PITPNM2: variants seen among roughly 807,000 people sequenced by gnomAD.
The protein encoded by PITPNM2 is phosphatidylinositol transfer protein membrane associated 2.
In PITPNM2, 35 loss-of-function variants were observed where a neutral mutation model predicts 132.2. The observed-to-expected ratio is 0.26, with a 90% CI of 0.20 to 0.35. PITPNM2 has a LOEUF of 0.35. Among genes scored for constraint, PITPNM2 ranks in the 10% least tolerant of loss-of-function variants. PITPNM2 has a pLI of 1.00. For synonymous variants in PITPNM2, 738 were observed against 799.2 expected, an observed-to-expected ratio of 0.92 and a Z score of 1.29; for missense variants, 1,332 against 1,912.0, an observed-to-expected ratio of 0.70 and a Z score of 5.66.
At chr12:123,130,613 T>C (rs2043242924) in intron 1 of PITPNM2, among the ~76,000 whole-genome samples, 1 of 152,120 alleles carries the variant, frequency 6.6e-6, no homozygotes, top group Non-Finnish European at 1.5e-5. Flanking sequence ...ACCCCATCTC[T>C]ACTAAAAATA....
chr12:123,029,414 C>T (rs2039989917), intron 3 of PITPNM2, among the ~76,000 whole-genome samples: 2 of 152,280 alleles, frequency 1.3e-5, no homozygotes, highest in South Asian at 2.1e-4. Flanking sequence ...GGCGAAAGCC[C>T]ATCTCTACTA....
intron 1 of PITPNM2, among the ~76,000 whole-genome samples, chr12:123,113,846 T>TCCCATCCTCC (rs2042887263): frequency 6.6e-6 from 1 of 152,184 alleles, no homozygotes; most frequent in Non-Finnish European, 1.5e-5. Flanking sequence ...AGCAGTCACT[T>TCCCATCCTCC]CCCATCCTCC....
At chr12:123,110,100 G>A (rs980576800) in intron 2 of PITPNM2, among the ~76,000 whole-genome samples, 3 of 152,068 alleles carry the variant, frequency 2.0e-5, no homozygotes, top group Non-Finnish European at 4.4e-5. Context: ...TGGGACTATA[G>A]GCATGTGGCA....
chr12:123,142,959 G>A (rs2043537446), intron 1 of PITPNM2, among the ~76,000 whole-genome samples: 1 of 151,948 alleles, frequency 6.6e-6, no homozygotes, highest in Admixed American at 6.5e-5. Flanking sequence ...CCTTCAGTGT[G>A]AGAGGAAGAA....
At chr12:123,045,938 C>T (rs2040639088) in intron 2 of PITPNM2, among the ~76,000 whole-genome samples, 1 of 152,080 alleles carries the variant, frequency 6.6e-6, no homozygotes. Context: ...GGTACAGACC[C>T]AGCCGTCCCT....
At chr12:123,063,415 C>G (rs895249200) in intron 2 of PITPNM2, among the ~76,000 whole-genome samples, 1 of 152,220 alleles carries the variant, frequency 6.6e-6, no homozygotes, top group African/African-American at 2.4e-5. Context: ...GAGAGGCACA[C>G]AGGAGCCCCC....
At chr12:123,039,554 T>C (rs904740439) in intron 2 of PITPNM2, among the ~76,000 whole-genome samples, 2 of 152,132 alleles carry the variant, frequency 1.3e-5, no homozygotes, top group Non-Finnish European at 2.9e-5. Flanking sequence ...GAAAAATTAG[T>C]GAGAGATGAA....
At position 122,999,739 on chromosome 12, in the gene PITPNM2, C is replaced by T. The variant is rs550020127; in HGVS notation, c.1224+1039G>A. On this transcript the variant is annotated intron_variant, in intron 10 of 25. Transcript: ENST00000320201. ...CTGCAGCTGTAGAGGCATCCCCCTA[C>T]TAGTGTCTCCACAAGGCAAGGAGCA... Among the ~76,000 whole-genome samples, 7 of 152,308 alleles carry T rather than the reference C, an allele frequency of 4.6e-5. No individual in the cohort carries two copies. In the South Asian group the frequency reaches 1.2e-3, roughly 27 times the overall value.
intron 10 of PITPNM2, among the ~76,000 whole-genome samples, chr12:122,998,523 G>T (rs926817788): frequency 3.3e-4 from 50 of 152,248 alleles, no homozygotes; most frequent in Admixed American, 2.3e-3. Context: ...CCTGCCCCAA[G>T]CTTCTGGTAT....
intron 2 of PITPNM2, among the ~76,000 whole-genome samples, chr12:123,056,594 C>T (rs901120933): frequency 3.3e-4 from 50 of 152,090 alleles, no homozygotes; most frequent in Non-Finnish European, 2.4e-4. Flanking sequence ...CTGCCGGACA[C>T]GAAGAGGGAA....
intron 2 of PITPNM2, among the ~76,000 whole-genome samples, chr12:123,048,385 G>A (rs1226400109): frequency 2.0e-5 from 3 of 151,754 alleles, no homozygotes; most frequent in Non-Finnish European, 4.4e-5. Flanking sequence ...GGGGAAAGGA[G>A]AATGGGTAGT....
Position 123,077,911 on chromosome 12 carries a change from G to A in PITPNM2, c.-96+32474C>T, listed in dbSNP as rs891978798. ...CAGCCTCCCATCCCTGCAGAGGTCC[G>A]CTGAGCTCCCCATGCTGCCGGCCTC... On this transcript the variant is annotated intron_variant, in intron 2 of 25. Coordinates refer to ENST00000320201, the MANE Select transcript of PITPNM2 (RefSeq NM_020845.3). This position sits in a 1 kb window ranked among gnomAD's most constrained non-coding sequence, Gnocchi z 4.8. Among the ~76,000 whole-genome samples the A allele has an allele frequency of 4.6e-5, 7 of 152,156 alleles. No individual in the cohort carries two copies. Among genetic ancestry groups the A allele is most frequent in the Admixed American group, 1.3e-4 (2 of 15,278 alleles).
In PITPNM2 at chr12:122,994,777, A is replaced by G; in HGVS notation, c.2233+24T>C. ...CCCGCACCCAGTGCATGTACCCCCC[A>G]TCCTGCCCCTGCTGGGCTCTCACCA... On this transcript the variant is annotated intron_variant, in intron 15 of 25. Transcript: ENST00000320201. This position sits in a 1 kb window ranked among gnomAD's most constrained non-coding sequence, Gnocchi z 5.4. 6.3e-7 allele frequency: 1 copy of G among 1,596,260 alleles called. No homozygotes were observed. The highest frequency in any genetic ancestry group is 1.3e-5 in the African/African-American group (1 of 74,306).
Position 123,034,531 on chromosome 12 carries a change from G to A in PITPNM2, c.60C>T (p.Ala20=), listed in dbSNP as rs754946338. The change falls in exon 3 of 26, where the codon GCC becomes GCT. Residue 20 remains alanine, a synonymous_variant. Coordinates refer to ENST00000320201, the MANE Select transcript of PITPNM2 (RefSeq NM_020845.3). ...GACCCACCTGTATCATGTACAGCTGGGCGATGCGGTACTCCTCCACGGTCA... is the reference window on the plus strand; with the variant it reads ...GACCCACCTGTATCATGTACAGCTGAGCGATGCGGTACTCCTCCACGGTCA... ...LPMTVEEYRI[A]QLYMIQKKSR... The A allele has an allele frequency of 3.1e-6, 5 of 1,614,168 alleles. 1 individual carries two copies. The South Asian group carries it at 5.5e-5, about 18-fold the overall frequency.
intron 1 of PITPNM2, among the ~76,000 whole-genome samples, chr12:123,118,019 C>T (rs1378577003): frequency 6.6e-6 from 1 of 152,230 alleles, no homozygotes; most frequent in Non-Finnish European, 1.5e-5. Flanking sequence ...TGAAAGGATC[C>T]TGGGTCCCCA....
At chr12:123,133,924 C>T (rs1262256167) in intron 1 of PITPNM2, among the ~76,000 whole-genome samples, 3 of 152,290 alleles carry the variant, frequency 2.0e-5, no homozygotes, top group South Asian at 2.1e-4. Context: ...TCAGGTGATA[C>T]GCCCACCTTG....
chr12:123,003,281 C>T (rs2038777973), intron 8 of PITPNM2, among the ~76,000 whole-genome samples: 1 of 152,204 alleles, frequency 6.6e-6, no homozygotes, highest in South Asian at 2.1e-4. Flanking sequence ...TTGCCGGCCC[C>T]CCTCCAGTCC....
Position 123,004,654 on chromosome 12 carries a change from T to G in PITPNM2, c.953-165A>C. The G allele has an allele frequency of 1.5e-6, 1 of 663,986 alleles. No homozygotes were observed. The highest frequency in any genetic ancestry group is 2.7e-6 in the Non-Finnish European group (1 of 369,546). 41.1% of individuals were successfully genotyped at this position (663,986 alleles called of 1,614,324 possible). On this transcript the variant is annotated intron_variant, in intron 7 of 25. Coordinates refer to ENST00000320201, the MANE Select transcript of PITPNM2 (RefSeq NM_020845.3). The surrounding 1 kb of genome is among the most constrained non-coding windows in gnomAD (Gnocchi z 4.9). ...GAAGAGAATGAAGTGTGTAAATGAG[T>G]GGGGAGCGGCCTAGGCTCATCTCCT...
At position 123,099,067 on chromosome 12, in the gene PITPNM2, C is replaced by T. The variant is rs2042484663; in HGVS notation, c.-96+11318G>A. Among the ~76,000 whole-genome samples the T allele has an allele frequency of 6.6e-6, 1 of 152,100 alleles. No homozygotes were observed. The highest frequency in any genetic ancestry group is 1.5e-5 in the Non-Finnish European group (1 of 68,030). ...TGCTCTAGCTGCACTCTGTGCCTCC[C>T]TTCTGTGCATGTGCTATGCATTCTA... On this transcript the variant is annotated intron_variant, in intron 2 of 25. Coordinates refer to ENST00000320201, the MANE Select transcript of PITPNM2 (RefSeq NM_020845.3). The surrounding 1 kb of genome is among the most constrained non-coding windows in gnomAD (Gnocchi z 4.2).
Sources: allele counts gnomAD v4.1 joint callset (sites outside exome capture counted in the v4.1 genomes callset), GRCh38; gene constraint gnomAD v4.1.1; non-coding constraint Gnocchi (gnomAD v3.1); transcripts MANE v1.5; gene names NCBI Gene and HGNC (gene_info 2026-07-23, HGNC 2026-07-21).